Variants in AXDND1 observed in about 807,000 individuals in gnomAD.
The protein encoded by AXDND1 is axonemal dynein light chain domain-containing protein 1.
In AXDND1, 110 loss-of-function variants were observed where a neutral mutation model predicts 137.5. The ratio of observed to expected loss-of-function variants is 0.80; its 90% confidence interval spans 0.69 to 0.94. AXDND1 has a LOEUF of 0.94. Among genes scored for constraint, AXDND1 ranks in the 40% least tolerant of loss-of-function variants. AXDND1 has a pLI of 0.00. For synonymous variants in AXDND1, 414 were observed against 399.7 expected (o/e 1.04, Z -0.43); for missense variants, 1,191 against 1,169.8 (o/e 1.02, Z -0.26).
At chr1:179,478,262 G>A (rs1372185539) in intron 17 of AXDND1, among the ~76,000 whole-genome samples, 1 of 152,176 alleles carries the variant, frequency 6.6e-6, no homozygotes, top group East Asian at 1.9e-4. Flanking sequence ...CTCTGTGTGG[G>A]GGTGCCCACC....
chr1:179,425,049 G>A (rs1656348613), intron 12 of AXDND1, among the ~76,000 whole-genome samples: 1 of 152,068 alleles, frequency 6.6e-6, no homozygotes, highest in Non-Finnish European at 1.5e-5. Context: ...TCCTTGCTTT[G>A]TCCATTTGGG....
Position 179,383,492 on chromosome 1 carries a change from CTA to C in AXDND1, c.691_692del (p.Met231AlafsTer37). On this transcript the variant is annotated frameshift_variant, in exon 8 of 26. Coordinates refer to ENST00000367618, the MANE Select transcript of AXDND1 (RefSeq NM_144696.6). LOFTEE classifies it high-confidence loss of function. ...GCCCAGCTGAATGATGTGATGGATA[CTA>C]TGCTAGAGAGGGCTGGTGTGGAAAA... 6.2e-7 allele frequency: 1 copy of C among 1,613,944 alleles called. No individual in the cohort carries two copies. Among genetic ancestry groups the C allele is most frequent in the Non-Finnish European group, 8.5e-7 (1 of 1,179,928 alleles).
At chr1:179,419,963 C>G (rs924931817) in intron 12 of AXDND1, among the ~76,000 whole-genome samples, 1 of 152,140 alleles carries the variant, frequency 6.6e-6, no homozygotes, top group African/African-American at 2.4e-5. Context: ...CCTAATTGCT[C>G]TGTCCAGGAC....
intron 16 of AXDND1, among the ~76,000 whole-genome samples, chr1:179,459,407 G>A (rs997004771): frequency 2.6e-5 from 4 of 152,058 alleles, no homozygotes; most frequent in African/African-American, 7.2e-5. Flanking sequence ...ATAAGATAAT[G>A]TTTATATAAT....
intron 17 of AXDND1, among the ~76,000 whole-genome samples, chr1:179,473,861 T>C (rs909303021): frequency 2.0e-5 from 3 of 152,198 alleles, no homozygotes; most frequent in Non-Finnish European, 2.9e-5. Flanking sequence ...TTGTAAGTTT[T>C]GTAAGTTTCC....
At chr1:179,523,196 T>TA (rs1670231992) in intron 21 of AXDND1, among the ~76,000 whole-genome samples, 1 of 151,652 alleles carries the variant, frequency 6.6e-6, no homozygotes, top group Admixed American at 6.6e-5. Flanking sequence ...GAAAATCTAT[T>TA]ATTGTTTTCC....
intron 11 of AXDND1, among the ~76,000 whole-genome samples, chr1:179,407,374 C>T (rs1249741801): frequency 1.3e-5 from 2 of 151,876 alleles, no homozygotes; most frequent in Non-Finnish European, 2.9e-5. Context: ...ACTACAGGCG[C>T]GTGCCACCAT....
At chr1:179,447,656 C>G in intron 16 of AXDND1, 1 of 1,336,138 alleles carries the variant, frequency 7.5e-7, no homozygotes, top group Middle Eastern at 2.6e-4. Context: ...TCTGGTTTTC[C>G]ACTGTTCATT....
intron 20 of AXDND1, among the ~76,000 whole-genome samples, chr1:179,504,651 T>C (rs1372768587): frequency 6.6e-6 from 1 of 152,186 alleles, no homozygotes; most frequent in African/African-American, 2.4e-5. Context: ...AGCCTTGTGC[T>C]ATGGCCATTC....
intron 21 of AXDND1, among the ~76,000 whole-genome samples, chr1:179,519,169 A>G (rs1669825400): frequency 6.6e-6 from 1 of 152,090 alleles, no homozygotes; most frequent in Admixed American, 6.5e-5. Context: ...TCATATGATT[A>G]TTGGCCACAT....
At chr1:179,449,110 T>G (rs1232275497) in intron 16 of AXDND1, 1 of 452,786 alleles carries the variant, frequency 2.2e-6, no homozygotes, top group South Asian at 1.6e-5. Context: ...GGTCTCAAAC[T>G]TCTGGGTTCA....
intron 18 of AXDND1, among the ~76,000 whole-genome samples, chr1:179,489,474 G>A (rs190618473): frequency 6.6e-6 from 1 of 152,156 alleles, no homozygotes; most frequent in Non-Finnish European, 1.5e-5. Context: ...TAGGCCATTG[G>A]TATATGAAAG....
intron 18 of AXDND1, among the ~76,000 whole-genome samples, chr1:179,488,655 CTTTCTTTCTTTCTT>C (rs1666435415): frequency 9.3e-6 from 1 of 107,128 alleles, no homozygotes; most frequent in Admixed American, 8.9e-5. Context: ...TTCTTTCTTT[CTTTCTTTCTTTCTT>C]TCTTTCTTTC....
chr1:179,494,409 A>G (rs1019726319), intron 20 of AXDND1, among the ~76,000 whole-genome samples: 2 of 152,158 alleles, frequency 1.3e-5, no homozygotes, highest in African/African-American at 2.4e-5. Flanking sequence ...TGTCTGTTCA[A>G]ATCTTTGACC....
chr1:179,466,780 A>G (rs976236815), intron 16 of AXDND1, among the ~76,000 whole-genome samples: 1 of 152,044 alleles, frequency 6.6e-6, no homozygotes, highest in Non-Finnish European at 1.5e-5. Flanking sequence ...AGTTTTAGAG[A>G]TAATTTGAGA....
Position 179,429,520 on chromosome 1 carries a change from G to A in AXDND1, c.1233G>A (p.Val411=). 4 of 1,475,130 alleles carry A rather than the reference G, an allele frequency of 2.7e-6. No homozygotes were observed. The highest frequency in any genetic ancestry group is 3.6e-6 in the Non-Finnish European group (4 of 1,100,664). 91.4% of individuals were successfully genotyped at this position (1,475,130 alleles called of 1,614,324 possible). ...SSATYELALK[V]IERNRVILAR... is the part of the protein sequence containing the mutation. ...ATTATAGTACATTATTTTTATAGGTGATTGAAAGAAATAGAGTCATATTGG... is the reference window on the plus strand; with the variant it reads ...ATTATAGTACATTATTTTTATAGGTAATTGAAAGAAATAGAGTCATATTGG... Residue 411 remains valine (V), a splice_region_variant and synonymous_variant, in exon 13 of 26, where the codon GTG becomes GTA. Transcript: ENST00000367618.
At chr1:179,504,094 G>A (rs1668299191) in intron 20 of AXDND1, among the ~76,000 whole-genome samples, 1 of 152,098 alleles carries the variant, frequency 6.6e-6, no homozygotes, top group Admixed American at 6.5e-5. Context: ...GTATGTCAGG[G>A]AAGCAATAAT....
chr1:179,473,571 T>G (rs1317141754), intron 17 of AXDND1, among the ~76,000 whole-genome samples: 2 of 152,206 alleles, frequency 1.3e-5, no homozygotes, highest in African/African-American at 4.8e-5. Flanking sequence ...CTATCTAGTT[T>G]GATTCCTTTT....
At chr1:179,493,983 G>A (rs371371171) in intron 20 of AXDND1, among the ~76,000 whole-genome samples, 1 of 152,080 alleles carries the variant, frequency 6.6e-6, no homozygotes, top group African/African-American at 2.4e-5. Flanking sequence ...ATGGAGTCTC[G>A]CTCTGTTGCC....
Sources: allele counts gnomAD v4.1 joint callset (sites outside exome capture counted in the v4.1 genomes callset), GRCh38; gene constraint gnomAD v4.1.1; transcripts MANE v1.5; gene names NCBI Gene and HGNC (gene_info 2026-07-23, HGNC 2026-07-21).